Variants in RAI14 observed in about 807,000 individuals in gnomAD.
The protein encoded by RAI14 is ankycorbin.
A neutral mutation model predicts 115.4 loss-of-function variants in RAI14; 45 were observed. That is an observed-to-expected ratio of 0.39 (90% CI 0.31 to 0.50). The LOEUF is 0.50. Ranked by LOEUF, RAI14 falls within the 20% of genes least tolerant of loss-of-function variation. RAI14 has a pLI of 0.85. For synonymous variants in RAI14, 371 were observed against 415.4 expected, an observed-to-expected ratio of 0.89 and a Z score of 1.30; for missense variants, 939 against 1,131.2, an observed-to-expected ratio of 0.83 and a Z score of 2.44.
intron 1 of RAI14, among the ~76,000 whole-genome samples, chr5:34,684,094 G>A (rs1043301797): frequency 1.3e-4 from 20 of 150,822 alleles, no homozygotes; most frequent in Non-Finnish European, 7.3e-5. Flanking sequence ...GTTAGCCAGC[G>A]ACAGTTGGGG....
chr5:34,714,467 T>C (rs1741774928), intron 2 of RAI14, among the ~76,000 whole-genome samples: 2 of 152,214 alleles, frequency 1.3e-5, no homozygotes, highest in African/African-American at 4.8e-5. Context: ...AGAAGCCAGA[T>C]TGATTTTCTA....
rs932937138 is a variant in RAI14, at chr5:34,827,148, C to G, written c.2799+669C>G. 6.6e-6 allele frequency among the ~76,000 whole-genome samples: 1 copy of G among 152,132 alleles called. No homozygotes were observed. The highest frequency in any genetic ancestry group is 2.4e-5 in the African/African-American group (1 of 41,418). On this transcript the variant is annotated intron_variant, in intron 16 of 17. Coordinates refer to ENST00000265109, the MANE Select transcript of RAI14 (RefSeq NM_015577.3). This position sits in a 1 kb window ranked among gnomAD's most constrained non-coding sequence, Gnocchi z 4.2. ...GCCTGCATTCTGTGGCTCATGGCCC[C>G]TTACTCCATCTTCGAGGCACATCAC...
intron 2 of RAI14, among the ~76,000 whole-genome samples, chr5:34,737,585 T>G (rs1168587221): frequency 1.0e-5 from 1 of 100,182 alleles, no homozygotes; most frequent in East Asian, 2.1e-4. Context: ...AGACCTCATC[T>G]CTACAAAAAA....
chr5:34,770,909 G>T (rs1313669026), intron 3 of RAI14, among the ~76,000 whole-genome samples: 3 of 152,070 alleles, frequency 2.0e-5, no homozygotes, highest in African/African-American at 7.2e-5. Context: ...CATATAAAAA[G>T]AGTACAATAA....
At chr5:34,768,148 G>C (rs897985551) in intron 3 of RAI14, among the ~76,000 whole-genome samples, 1 of 150,468 alleles carries the variant, frequency 6.6e-6, no homozygotes. Flanking sequence ...ACAAGACCAT[G>C]GGAGCCTACC....
intron 5 of RAI14, among the ~76,000 whole-genome samples, chr5:34,804,822 G>A (rs895255488): frequency 6.6e-5 from 10 of 152,204 alleles, no homozygotes; most frequent in Non-Finnish European, 1.5e-4. Context: ...CTGGATAAGT[G>A]AAAATCATTG....
chr5:34,769,399 A>G (rs1006308593), intron 3 of RAI14, among the ~76,000 whole-genome samples: 3 of 152,184 alleles, frequency 2.0e-5, no homozygotes, highest in Non-Finnish European at 4.4e-5. Flanking sequence ...CTAAAGTTAT[A>G]AGATAGTGCT....
At chr5:34,672,061 C>G (rs1052750888) in intron 1 of RAI14, among the ~76,000 whole-genome samples, 3 of 152,086 alleles carry the variant, frequency 2.0e-5, no homozygotes, top group African/African-American at 7.2e-5. Context: ...ATAGCTTCAT[C>G]ACAAACTAAT....
intron 2 of RAI14, among the ~76,000 whole-genome samples, chr5:34,713,282 A>G (rs1234113560): frequency 6.6e-6 from 1 of 152,150 alleles, no homozygotes; most frequent in Non-Finnish European, 1.5e-5. Context: ...AAGAGGTTCA[A>G]AGAAGACAAT....
Position 34,817,255 on chromosome 5 carries a change from C to T in RAI14, c.940-1542C>T, listed in dbSNP as rs554450982. 2.5e-4 allele frequency among the ~76,000 whole-genome samples: 31 copies of T among 123,138 alleles called. No individual in the cohort carries two copies. In the Middle Eastern group the frequency reaches 0.017, roughly 68 times the overall value. 80.8% of individuals were successfully genotyped at this position (123,138 alleles called of 152,430 possible). The stretch of plus-strand genomic sequence containing the variant: ...TTGTGCCACTGCACTCCAGTCTGGG[C>T]GACAGACACTCCATCTCAAAAAAAA... On this transcript the variant is annotated intron_variant, in intron 12 of 17. Transcript: ENST00000265109.
intron 2 of RAI14, chr5:34,687,569 C>T: frequency 6.9e-7 from 1 of 1,439,936 alleles, no homozygotes; most frequent in Non-Finnish European, 9.1e-7. Flanking sequence ...GGGAGAAAAA[C>T]ATAGCAGAGG....
At chr5:34,734,671 T>C (rs1193720862) in intron 2 of RAI14, among the ~76,000 whole-genome samples, 3 of 145,592 alleles carry the variant, frequency 2.1e-5, no homozygotes, top group African/African-American at 7.9e-5. Flanking sequence ...TATTCTTTCT[T>C]TTTTTTTTTT....
chr5:34,752,982 A>G (rs1282934461), intron 2 of RAI14, among the ~76,000 whole-genome samples: 1 of 151,880 alleles, frequency 6.6e-6, no homozygotes, highest in Non-Finnish European at 1.5e-5. Context: ...TAATAAATAA[A>G]AGCTTCATAA....
At chr5:34,778,223 C>G (rs865945035) in intron 3 of RAI14, among the ~76,000 whole-genome samples, 19 of 152,184 alleles carry the variant, frequency 1.2e-4, no homozygotes, top group African/African-American at 4.3e-4. Flanking sequence ...TAGTGCTACT[C>G]AAACTTGGAT....
intron 2 of RAI14, among the ~76,000 whole-genome samples, chr5:34,751,077 C>T (rs1413757918): frequency 6.6e-6 from 1 of 151,446 alleles, no homozygotes; most frequent in Non-Finnish European, 1.5e-5. Flanking sequence ...TCTCGAACTC[C>T]CGAACTCAGG....
intron 2 of RAI14, among the ~76,000 whole-genome samples, chr5:34,742,186 G>T (rs1293777831): frequency 6.6e-6 from 1 of 152,236 alleles, no homozygotes; most frequent in Non-Finnish European, 1.5e-5. Flanking sequence ...AAGGCAAGGG[G>T]CTTATGACTC....
chr5:34,802,876 G>A (rs1754441482), intron 4 of RAI14, among the ~76,000 whole-genome samples: 1 of 152,172 alleles, frequency 6.6e-6, no homozygotes, highest in Non-Finnish European at 1.5e-5. Context: ...TTCTGTATAA[G>A]AACTTTGAAA....
intron 3 of RAI14, among the ~76,000 whole-genome samples, chr5:34,760,443 G>T (rs114270203): frequency 2.6e-5 from 4 of 152,280 alleles, no homozygotes; most frequent in African/African-American, 4.8e-5. Context: ...TGAGGTGTTT[G>T]GTGGTAAATG....
At chr5:34,658,862 C>A (rs1742479155) in intron 1 of RAI14, 1 of 151,920 alleles carries the variant, frequency 6.6e-6, no homozygotes, top group African/African-American at 2.4e-5. Flanking sequence ...GTATAGTAAG[C>A]CATTTTGTCT....
Sources: gnomAD v4.1 joint callset for allele counts (sites outside exome capture counted in the v4.1 genomes callset) on GRCh38, gnomAD v4.1.1 for gene constraint, Gnocchi (gnomAD v3.1) non-coding constraint, MANE v1.5 for transcripts, NCBI Gene and HGNC (gene_info 2026-07-23, HGNC 2026-07-21) for gene names.